Variants in PRKN observed in about 807,000 individuals in gnomAD.
PRKN encodes the protein E3 ubiquitin-protein ligase parkin.
In PRKN, 56 loss-of-function variants were observed where a neutral mutation model predicts 59.5. That is an observed-to-expected ratio of 0.94 (90% CI 0.76 to 1.18). The LOEUF is 1.18. Ranked by LOEUF, PRKN falls within the 50% of genes most tolerant of loss-of-function variation. The pLI, the probability that PRKN is intolerant of heterozygous loss-of-function variation, is 0.00. For synonymous variants in PRKN, 250 were observed against 222.1 expected, an observed-to-expected ratio of 1.13 and a Z score of -1.12; for missense variants, 657 against 596.4, an observed-to-expected ratio of 1.10 and a Z score of -1.06.
chr6:162,629,936 C>T (rs1278503304), intron 1 of PRKN, among the ~76,000 whole-genome samples: 1 of 152,086 alleles, frequency 6.6e-6, no homozygotes, highest in Non-Finnish European at 1.5e-5. Flanking sequence ...TTCTATCCTC[C>T]TCAGAATACT....
intron 1 of PRKN, among the ~76,000 whole-genome samples, chr6:162,561,978 C>T (rs189876392): frequency 6.6e-6 from 1 of 152,286 alleles, no homozygotes; most frequent in African/African-American, 2.4e-5. Context: ...CAAGGGAGTG[C>T]TGGCATCACT....
At chr6:161,835,546 C>T (rs376403828) in intron 6 of PRKN, among the ~76,000 whole-genome samples, 30 of 152,288 alleles carry the variant, frequency 2.0e-4, no homozygotes, top group African/African-American at 6.7e-4. Flanking sequence ...ATGTAAGGCC[C>T]GAGACACTGG....
At chr6:162,689,276 G>A (rs1777682276) in intron 1 of PRKN, among the ~76,000 whole-genome samples, 1 of 152,068 alleles carries the variant, frequency 6.6e-6, no homozygotes. Context: ...AACAGCGATG[G>A]GCAGATAAAC....
chr6:161,580,820 A>G (rs1369430686), intron 7 of PRKN, among the ~76,000 whole-genome samples: 2 of 152,084 alleles, frequency 1.3e-5, no homozygotes, highest in Non-Finnish European at 2.9e-5. Context: ...TAGAAAATGA[A>G]GCTCAATAGA....
chr6:162,156,924 T>A (rs1954933), intron 4 of PRKN, among the ~76,000 whole-genome samples: 5 of 152,002 alleles, frequency 3.3e-5, no homozygotes, highest in Admixed American at 2.0e-4. Context: ...AGCATCCCCT[T>A]GACGTTAGGC....
intron 6 of PRKN, among the ~76,000 whole-genome samples, chr6:161,940,709 G>C (rs1779529516): frequency 6.6e-6 from 1 of 152,148 alleles, no homozygotes; most frequent in South Asian, 2.1e-4. Context: ...TCCTGAAAAA[G>C]AAGAGCCGGA....
At chr6:162,440,573 T>G (rs1053295307) in intron 2 of PRKN, among the ~76,000 whole-genome samples, 2 of 152,142 alleles carry the variant, frequency 1.3e-5, no homozygotes, top group Non-Finnish European at 2.9e-5. Flanking sequence ...ACTCACAATA[T>G]CTCATTTTGC....
intron 6 of PRKN, among the ~76,000 whole-genome samples, chr6:161,954,428 T>C (rs1780098094): frequency 6.6e-6 from 1 of 152,214 alleles, no homozygotes; most frequent in Non-Finnish European, 1.5e-5. Context: ...AGGTTCTCTT[T>C]GGCCTGACCT....
intron 6 of PRKN, among the ~76,000 whole-genome samples, chr6:161,913,561 G>C (rs1778445596): frequency 6.6e-6 from 1 of 152,162 alleles, no homozygotes; most frequent in Non-Finnish European, 1.5e-5. Context: ...GCAATAACCA[G>C]AATGGAGGTG....
chr6:161,445,349 G>A lies in PRKN; in HGVS notation c.1084-58472C>T, dbSNP rs1242876417. Among the ~76,000 whole-genome samples, 1 of 152,166 alleles carries A rather than the reference G, an allele frequency of 6.6e-6. No individual in the cohort carries two copies. The highest frequency in any genetic ancestry group is 2.4e-5 in the African/African-American group (1 of 41,448). ...CACTTGGGCTGGAATGCAGTTGCTG[G>A]GGGCTCATGAGGGGCTCAGTGGTGC... On this transcript the variant is annotated intron_variant, in intron 9 of 11. Transcript: ENST00000366898. The surrounding 1 kb of genome is among the most constrained non-coding windows in gnomAD (Gnocchi z 7.7).
rs191294279 is a variant in PRKN, at chr6:161,481,493, A to T, written c.1083+67361T>A. 5.4e-3 allele frequency among the ~76,000 whole-genome samples: 815 copies of T among 152,010 alleles called. 9 individuals carry two copies. Among genetic ancestry groups the T allele is most frequent in the Middle Eastern group, 0.024 (7 of 292 alleles). ...GTGGCGTGTGCCTGTAGTCCCAGCT[A>T]CTCCGGAGGCTGAGGCAGGAGGATT... On this transcript the variant is annotated intron_variant, in intron 9 of 11. Coordinates refer to ENST00000366898, the MANE Select transcript of PRKN (RefSeq NM_004562.3).
intron 2 of PRKN, among the ~76,000 whole-genome samples, chr6:162,381,656 C>G (rs564167591): frequency 6.6e-6 from 1 of 152,114 alleles, no homozygotes; most frequent in South Asian, 2.1e-4. Flanking sequence ...AATGCTATAC[C>G]TGTCCCCCCC....
chr6:162,389,007 G>GGAA (rs776330789), intron 2 of PRKN, among the ~76,000 whole-genome samples: 1 of 104,166 alleles, frequency 9.6e-6, no homozygotes, highest in African/African-American at 3.6e-5. Context: ...AGTTCCTCCA[G>GGAA]AAAAAAAAAA....
intron 1 of PRKN, among the ~76,000 whole-genome samples, chr6:162,583,127 G>A (rs1040377212): frequency 6.6e-5 from 10 of 152,120 alleles, no homozygotes; most frequent in Admixed American, 6.5e-4. Flanking sequence ...AGGACAGGAC[G>A]GCATACAAGG....
chr6:162,141,175 T>C (rs1320888422), intron 4 of PRKN, among the ~76,000 whole-genome samples: 2 of 152,034 alleles, frequency 1.3e-5, no homozygotes, highest in Non-Finnish European at 2.9e-5. Flanking sequence ...AAAAAGATTA[T>C]TTATGATATA....
At chr6:162,281,071 A>G (rs1780882572) in intron 2 of PRKN, among the ~76,000 whole-genome samples, 1 of 152,170 alleles carries the variant, frequency 6.6e-6, no homozygotes, top group South Asian at 2.1e-4. Flanking sequence ...ACAACTCAGC[A>G]TAGTATTCCA....
At chr6:161,631,226 C>A (rs1783296394) in intron 7 of PRKN, among the ~76,000 whole-genome samples, 1 of 152,162 alleles carries the variant, frequency 6.6e-6, no homozygotes, top group Admixed American at 6.5e-5. Flanking sequence ...TTGTGGGATT[C>A]CATAGATAGA....
intron 6 of PRKN, among the ~76,000 whole-genome samples, chr6:161,964,967 A>C (rs188490409): frequency 1.3e-5 from 2 of 152,230 alleles, no homozygotes; most frequent in African/African-American, 2.4e-5. Context: ...TAATATGTGA[A>C]TTGACAAAAG....
Position 162,122,865 on chromosome 6 carries a change from T to C in PRKN, c.535-68691A>G, listed in dbSNP as rs187685778. ...CACCTGCAGAATCAACTGGATGATG[T>C]GGGAGTGGCTGCTTTCACTACTATA... On this transcript the variant is annotated intron_variant, in intron 4 of 11. Transcript: ENST00000366898. Among the ~76,000 whole-genome samples, 134 of 152,214 alleles carry C rather than the reference T, an allele frequency of 8.8e-4. 1 individual carries two copies. Among genetic ancestry groups the C allele is most frequent in the African/African-American group, 3.0e-3 (126 of 41,542 alleles).
Sources: allele counts gnomAD v4.1 joint callset (sites outside exome capture counted in the v4.1 genomes callset), GRCh38; gene constraint gnomAD v4.1.1; non-coding constraint Gnocchi (gnomAD v3.1); transcripts MANE v1.5; gene names NCBI Gene and HGNC (gene_info 2026-07-23, HGNC 2026-07-21).